Variants in PUM2 observed in about 807,000 individuals in gnomAD.
The protein encoded by PUM2 is pumilio homolog 2.
A neutral mutation model predicts 124.5 loss-of-function variants in PUM2; 57 were observed. The ratio of observed to expected loss-of-function variants is 0.46; its 90% CI spans 0.37 to 0.57. PUM2 has a LOEUF of 0.57. PUM2 is among the 20% of genes least tolerant of loss of function. The pLI is 0.00. For synonymous variants in PUM2, 460 were observed against 446.1 expected, an observed-to-expected ratio of 1.03 and a Z score of -0.39; for missense variants, 1,065 against 1,290.6, an observed-to-expected ratio of 0.83 and a Z score of 2.68.
Position 20,308,515 on chromosome 2 carries a change from G to A in PUM2, c.588C>T (p.Pro196=). The A allele has an allele frequency of 6.2e-7, 1 of 1,614,094 alleles. No individual in the cohort carries two copies. The highest frequency in any genetic ancestry group is 8.5e-7 in the Non-Finnish European group (1 of 1,179,928). The change falls in exon 6 of 21, where the codon CCC becomes CCT. Residue 196 remains proline (P), a synonymous_variant. Transcript: ENST00000361078. ...VVERLGPNTN[P]SEGLGPLPNP... Reference sequence around the variant, plus strand: ...TAGGAAGAGGCCCCAGTCCTTCTGAGGGATTAGTATTGGGGCCCAAGCGCT... The same window carrying A: ...TAGGAAGAGGCCCCAGTCCTTCTGAAGGATTAGTATTGGGGCCCAAGCGCT...
rs543912360 is a variant in PUM2 at position 20,308,631 on chromosome 2, A to C, written c.519-47T>G. The C allele has an allele frequency of 1.3e-4, 191 of 1,503,384 alleles. 2 individuals carry two copies. In the South Asian group the frequency reaches 2.1e-3, roughly 16 times the overall value. 93.1% of individuals were successfully genotyped at this position (1,503,384 alleles called of 1,614,324 possible). On this transcript the variant is annotated intron_variant, in intron 5 of 20. Transcript: ENST00000361078. ...GCATTATGAATAAAAGTAACAAGTC[A>C]AATAGCGAAATGGGAAAATAGAAAA... is the stretch of plus-strand genomic sequence containing the variant.
At position 20,258,500 on chromosome 2, in the gene PUM2, C is replaced by G. The variant is rs1665365943; in HGVS notation, c.2356-129G>C. 5 of 792,852 alleles carry G rather than the reference C, an allele frequency of 6.3e-6. No individual in the cohort carries two copies. In the Admixed American group the frequency reaches 1.5e-4, roughly 24 times the overall value. The allele number at this position is 792,852 out of a possible 1,614,324, so 49.1% of individuals were successfully genotyped here. On this transcript the variant is annotated intron_variant, in intron 15 of 20. Coordinates refer to ENST00000361078, the MANE Select transcript of PUM2 (RefSeq NM_015317.5). ...TAGGGCAGGGGCTTTAAGGTAGAAG[C>G]TAATTAAGATAGACTGGGAAATGTT...
At chr2:20,283,807 C>T (rs1305608175) in intron 10 of PUM2, among the ~76,000 whole-genome samples, 2 of 151,964 alleles carry the variant, frequency 1.3e-5, no homozygotes, top group Non-Finnish European at 2.9e-5. Context: ...TTTAGCCCTT[C>T]GAAGAAGAAG....
rs767281903 is a variant in PUM2 at position 20,258,387 on chromosome 2, T to A, written c.2356-16A>T. 6.2e-7 allele frequency: 1 copy of A among 1,608,090 alleles called. No individual in the cohort carries two copies. The highest frequency in any genetic ancestry group is 1.7e-5 in the Admixed American group (1 of 59,476). On this transcript the variant is annotated splice_polypyrimidine_tract_variant and intron_variant, in intron 15 of 20. Coordinates refer to ENST00000361078, the MANE Select transcript of PUM2 (RefSeq NM_015317.5). ...GACTCCCAAACTGACAGAAAAGATATAACATTAATAACAAGTGACCTTAAT... is the reference window on the plus strand; with the variant it reads ...GACTCCCAAACTGACAGAAAAGATAAAACATTAATAACAAGTGACCTTAAT...
chr2:20,335,751 T>C (rs1685861379), intron 1 of PUM2, among the ~76,000 whole-genome samples: 1 of 152,250 alleles, frequency 6.6e-6, no homozygotes, highest in African/African-American at 2.4e-5. Context: ...AAAATTAGTG[T>C]TGTCAACATA....
chr2:20,312,754 T>C (rs10171861), intron 3 of PUM2, among the ~76,000 whole-genome samples: 5,344 of 152,284 alleles, frequency 0.035, 90 homozygotes, highest in Middle Eastern at 0.068. Context: ...AGAGTCCGCA[T>C]AGCCAAGACA....
chr2:20,327,126 A>G (rs570765842), intron 2 of PUM2, among the ~76,000 whole-genome samples, 184 bp downstream of exon 2: 6 of 151,652 alleles, frequency 4.0e-5, no homozygotes, highest in African/African-American at 1.5e-4. Flanking sequence ...AATTACTGCT[A>G]AAAGCTTTTT....
At chr2:20,304,658 A>C in intron 7 of PUM2, among the ~76,000 whole-genome samples, 1 of 152,328 alleles carries the variant, frequency 6.6e-6, no homozygotes, top group East Asian at 1.9e-4. Context: ...TTGTCAACTC[A>C]CACTCTAAAA....
chr2:20,315,671 C>A (rs1343084540), intron 3 of PUM2, among the ~76,000 whole-genome samples: 1 of 151,948 alleles, frequency 6.6e-6, no homozygotes, highest in East Asian at 1.9e-4. Flanking sequence ...CTCAAAAAAT[C>A]TTTGGTTGGC....
At chr2:20,336,371 G>A (rs1448386638) in intron 1 of PUM2, among the ~76,000 whole-genome samples, 2 of 152,036 alleles carry the variant, frequency 1.3e-5, no homozygotes, top group Non-Finnish European at 2.9e-5. Context: ...TTTTTGTAGA[G>A]ACAGGGTTTT....
chr2:20,267,026 C>CT (rs373222999), intron 13 of PUM2, among the ~76,000 whole-genome samples: 2,903 of 142,712 alleles, frequency 0.02, 51 homozygotes, highest in African/African-American at 0.049. Flanking sequence ...ATGCCTGTAA[C>CT]TTTTTTTTTT....
chr2:20,291,750 A>G (rs1674150174), intron 9 of PUM2, among the ~76,000 whole-genome samples: 1 of 151,912 alleles, frequency 6.6e-6, no homozygotes, highest in Non-Finnish European at 1.5e-5. Flanking sequence ...ATTGCCTCAC[A>G]TGCTGCCATA....
intron 7 of PUM2, among the ~76,000 whole-genome samples, chr2:20,303,258 AGTC>A (rs1210580086): frequency 6.8e-6 from 1 of 147,058 alleles, no homozygotes; most frequent in African/African-American, 2.5e-5. Context: ...TGGTTGAGCA[AGTC>A]CTCCTCCTCC....
At chr2:20,260,602 A>G in intron 14 of PUM2, 136 bp from the exon 15 acceptor site, 1 of 733,284 alleles carries the variant, frequency 1.4e-6, no homozygotes, top group Non-Finnish European at 2.0e-6. Flanking sequence ...CAGCTAACTT[A>G]CAGCAAAAAG....
At chr2:20,310,669 G>GATAATTA (rs3074570) in intron 5 of PUM2, among the ~76,000 whole-genome samples, 151,526 of 152,018 alleles carry the variant, frequency 1, 75,521 homozygotes, top group Middle Eastern at 1. Flanking sequence ...CTTTGCTTTT[G>GATAATTA]AAGGCAATAA....
At chr2:20,280,313 CAT>C (rs1393985868) in intron 12 of PUM2, among the ~76,000 whole-genome samples, 1 of 152,098 alleles carries the variant, frequency 6.6e-6, no homozygotes, top group Admixed American at 6.5e-5. Flanking sequence ...TTTAAGATAT[CAT>C]AGTAAGAAAA....
intron 13 of PUM2, among the ~76,000 whole-genome samples, chr2:20,276,041 A>G (rs1251645462): frequency 6.6e-6 from 1 of 152,044 alleles, no homozygotes; most frequent in Non-Finnish European, 1.5e-5. Flanking sequence ...ATTATACTAT[A>G]AAAAATGGAA....
chr2:20,261,473 C>T (rs1666259257), intron 14 of PUM2, among the ~76,000 whole-genome samples: 2 of 135,206 alleles, frequency 1.5e-5, no homozygotes, highest in African/African-American at 2.8e-5. Context: ...AACTGAGTTA[C>T]TGGTTTGTGT....
chr2:20,316,102 A>G (rs1680876469), intron 3 of PUM2, among the ~76,000 whole-genome samples: 2 of 152,278 alleles, frequency 1.3e-5, no homozygotes, highest in African/African-American at 2.4e-5. Flanking sequence ...CCTTGAGGAC[A>G]AGGGTCATAT....
Sources: allele counts gnomAD v4.1 joint callset (sites outside exome capture counted in the v4.1 genomes callset), GRCh38; gene constraint gnomAD v4.1.1; transcripts MANE v1.5; gene names NCBI Gene and HGNC (gene_info 2026-07-23, HGNC 2026-07-21).